The following RGS7 variants were observed in gnomAD, a reference collection of about 807,000 sequenced individuals.
RGS7 encodes the protein regulator of G-protein signaling 7.
RGS7 carries 27 observed loss-of-function variants against 81.1 expected under a neutral mutation model. That is an observed-to-expected ratio of 0.33 (90% CI 0.25 to 0.46). The LOEUF is 0.46. Ranked by LOEUF, RGS7 falls within the 20% of genes least tolerant of loss-of-function variation. The pLI, the probability that RGS7 is intolerant of heterozygous loss-of-function variation, is 1.00. For missense variants in RGS7, 396 were observed against 607.4 expected, an observed-to-expected ratio of 0.65 and a Z score of 3.66; for synonymous variants, 208 against 207.7, an observed-to-expected ratio of 1.00 and a Z score of -0.01.
rs1288955536 is a variant in RGS7 at position 240,775,578 on chromosome 1, A to G, written c.*642T>C. The G allele has an allele frequency of 6.5e-6, 1 of 153,278 alleles. No individual in the cohort carries two copies. Among genetic ancestry groups the G allele is most frequent in the South Asian group, 2.1e-4 (1 of 4,866 alleles). 9.5% of individuals were successfully genotyped at this position (153,278 alleles called of 1,614,324 possible). A position where few individuals can be genotyped will look rare whatever the true frequency, so the allele number is the denominator to read the frequency against. Reference sequence around the variant, plus strand: ...ATAAACATACACAAATTTACAGAGAAGGGATCAACTTTAATACATTTGGAG... The same window carrying G: ...ATAAACATACACAAATTTACAGAGAGGGGATCAACTTTAATACATTTGGAG... On this transcript the variant is annotated 3_prime_UTR_variant, in exon 19 of 19. Transcript: ENST00000440928.
intron 2 of RGS7, among the ~76,000 whole-genome samples, chr1:241,261,400 C>T (rs1382552721): frequency 3.3e-5 from 5 of 151,864 alleles, no homozygotes; most frequent in African/African-American, 7.3e-5. Context: ...GCAGGTAGAT[C>T]ACAAGGTCAG....
intron 6 of RGS7, among the ~76,000 whole-genome samples, chr1:240,893,162 G>T (rs555780480): frequency 5.9e-5 from 9 of 152,218 alleles, no homozygotes; most frequent in Non-Finnish European, 8.8e-5. Flanking sequence ...CATCTACTGT[G>T]GGGCCAGTGA....
intron 6 of RGS7, among the ~76,000 whole-genome samples, chr1:240,888,895 G>A (rs1289289926): frequency 6.6e-6 from 1 of 152,134 alleles, no homozygotes; most frequent in Non-Finnish European, 1.5e-5. Context: ...CGGGTGCAAA[G>A]GGCAGAGCTA....
chr1:240,790,758 G>A (rs1241328255), intron 18 of RGS7, among the ~76,000 whole-genome samples: 1 of 152,084 alleles, frequency 6.6e-6, no homozygotes, highest in East Asian at 1.9e-4. Flanking sequence ...TCTTGCAATG[G>A]GCTGGGGATT....
chr1:240,996,555 C>T (rs534795472), intron 3 of RGS7, among the ~76,000 whole-genome samples: 2 of 152,272 alleles, frequency 1.3e-5, no homozygotes, highest in African/African-American at 4.8e-5. Context: ...CTAATGACCC[C>T]CTTTATTGCT....
chr1:241,060,751 A>G (rs562650395), intron 3 of RGS7, among the ~76,000 whole-genome samples: 111 of 152,308 alleles, frequency 7.3e-4, no homozygotes, highest in African/African-American at 2.6e-3. Flanking sequence ...GGGATTTGCA[A>G]CCTTGGCCTG....
chr1:240,826,541 G>A (rs894536059), intron 10 of RGS7, among the ~76,000 whole-genome samples: 2 of 152,156 alleles, frequency 1.3e-5, no homozygotes, highest in Non-Finnish European at 2.9e-5. Flanking sequence ...TGTACATCAA[G>A]CGTGTTTTAT....
intron 2 of RGS7, among the ~76,000 whole-genome samples, chr1:241,332,693 T>C (rs530127786): frequency 1.3e-5 from 2 of 152,348 alleles, no homozygotes; most frequent in African/African-American, 4.8e-5. Context: ...TTGTGTTTTA[T>C]ATCTCCCATC....
intron 2 of RGS7, among the ~76,000 whole-genome samples, chr1:241,145,008 G>A (rs1482634344): frequency 6.7e-6 from 1 of 149,288 alleles, no homozygotes; most frequent in Non-Finnish European, 1.5e-5. Flanking sequence ...CTCAGCCTTG[G>A]GTGTCGATGA....
chr1:241,071,495 GTGTT>G (rs2062439084), intron 3 of RGS7, among the ~76,000 whole-genome samples: 1 of 20,860 alleles, frequency 4.8e-5, no homozygotes, highest in Non-Finnish European at 1.7e-4. Flanking sequence ...CTATGTTTAA[GTGTT>G]TTTTTTTTTT....
intron 3 of RGS7, among the ~76,000 whole-genome samples, chr1:241,028,547 CAG>C (rs752151584): frequency 2.0e-5 from 3 of 152,016 alleles, no homozygotes; most frequent in Non-Finnish European, 4.4e-5. Flanking sequence ...GCCGGTGAAA[CAG>C]GGAGGAGGAG....
At chr1:241,221,236 T>G (rs1400289787) in intron 2 of RGS7, among the ~76,000 whole-genome samples, 1 of 152,010 alleles carries the variant, frequency 6.6e-6, no homozygotes, top group African/African-American at 2.4e-5. Context: ...AGCTAAAAAA[T>G]TAGACAAAGA....
Position 240,935,817 on chromosome 1 carries a change from T to C in RGS7, c.333+783A>G, listed in dbSNP as rs567153788. Among the ~76,000 whole-genome samples the C allele has an allele frequency of 5.3e-5, 8 of 152,338 alleles. No individual in the cohort carries two copies. The South Asian group carries it at 1.7e-3, about 32-fold the overall frequency. ...AGGCTCCAAAGTCTGAAAGTTGGACTGTGGGGAGAACCCTCCAGCAAATAC... is the reference window on the plus strand; with the variant it reads ...AGGCTCCAAAGTCTGAAAGTTGGACCGTGGGGAGAACCCTCCAGCAAATAC... On this transcript the variant is annotated intron_variant, in intron 5 of 18. Coordinates refer to ENST00000440928, the MANE Select transcript of RGS7 (RefSeq NM_001364886.1).
intron 5 of RGS7, among the ~76,000 whole-genome samples, chr1:240,935,554 A>T (rs1676476846): frequency 6.6e-6 from 1 of 152,160 alleles, no homozygotes; most frequent in Admixed American, 6.5e-5. Context: ...CTTAAGTCCA[A>T]AACTGTCCTA....
chr1:240,991,052 T>C (rs1434901954), intron 3 of RGS7, among the ~76,000 whole-genome samples: 1 of 152,224 alleles, frequency 6.6e-6, no homozygotes, highest in East Asian at 1.9e-4. Context: ...AGCCCGATAT[T>C]CACTGTAATT....
At chr1:240,964,787 G>T (rs539389995) in intron 4 of RGS7, among the ~76,000 whole-genome samples, 4 of 151,996 alleles carry the variant, frequency 2.6e-5, no homozygotes, top group Non-Finnish European at 5.9e-5. Flanking sequence ...TATTTTATTC[G>T]AACTTAAGGC....
At chr1:241,351,327 G>A (rs1039451413) in intron 2 of RGS7, among the ~76,000 whole-genome samples, 8 of 151,832 alleles carry the variant, frequency 5.3e-5, no homozygotes, top group African/African-American at 1.9e-4. Flanking sequence ...GCTGAGGTGG[G>A]AGGATAGCTT....
chr1:241,128,603 T>A (rs2066858040), intron 2 of RGS7, among the ~76,000 whole-genome samples: 1 of 151,942 alleles, frequency 6.6e-6, no homozygotes, highest in Non-Finnish European at 1.5e-5. Context: ...TAAATAAATT[T>A]AAAAAGTTCA....
chr1:240,846,336 T>C, intron 9 of RGS7, among the ~76,000 whole-genome samples: 1 of 152,230 alleles, frequency 6.6e-6, no homozygotes, highest in Non-Finnish European at 1.5e-5. Context: ...TATAAGTGAG[T>C]GGTGAGAGAC....
Sources: gnomAD v4.1 joint callset for allele counts (sites outside exome capture counted in the v4.1 genomes callset) on GRCh38, gnomAD v4.1.1 for gene constraint, MANE v1.5 for transcripts, NCBI Gene and HGNC (gene_info 2026-07-23, HGNC 2026-07-21) for gene names.